The following DCLK3 variants were observed in gnomAD, a reference collection of about 807,000 sequenced individuals.
The protein encoded by DCLK3 is doublecortin like kinase 3, also known as serine/threonine-protein kinase DCLK3.
DCLK3 carries 30 observed loss-of-function variants against 46.4 expected under a neutral mutation model. That is an observed-to-expected ratio of 0.65 (90% CI 0.48 to 0.88). The LOEUF is 0.88. Ranked by LOEUF, DCLK3 falls within the 40% of genes least tolerant of loss-of-function variation. DCLK3 has a pLI of 0.00. For synonymous variants in DCLK3, 401 were observed against 339.2 expected, an observed-to-expected ratio of 1.18 and a Z score of -2.00; for missense variants, 846 against 907.1, an observed-to-expected ratio of 0.93 and a Z score of 0.87.
intron 1 of DCLK3, among the ~76,000 whole-genome samples, chr3:36,748,917 C>T (rs150768221): frequency 7.2e-5 from 11 of 152,260 alleles, no homozygotes; most frequent in African/African-American, 2.6e-4. Context: ...CCAGATGCTG[C>T]CACCCTGTCC....
At position 36,717,976 on chromosome 3, in the gene DCLK3, C is replaced by T. The variant is rs1279202161; in HGVS notation, c.2260+34G>A. ...ACATCTGACCTGAAAAACCCATCCG[C>T]TCCTCTGCTGTGTGAGGAAGCCCCA... On this transcript the variant is annotated intron_variant, in intron 4 of 4. Transcript: ENST00000636136. 7 of 1,613,046 alleles carry T rather than the reference C, an allele frequency of 4.3e-6. No individual in the cohort carries two copies. The Admixed American group carries it at 8.3e-5, about 19-fold the overall frequency.
chr3:36,723,742 T>G (rs766548376), intron 2 of DCLK3, among the ~76,000 whole-genome samples: 2 of 152,188 alleles, frequency 1.3e-5, no homozygotes, highest in Non-Finnish European at 2.9e-5. Flanking sequence ...CTCTGCCAGA[T>G]TTCAGAGGAT....
intron 2 of DCLK3, among the ~76,000 whole-genome samples, chr3:36,727,940 C>T (rs932748419): frequency 3.3e-5 from 5 of 152,144 alleles, no homozygotes; most frequent in African/African-American, 1.2e-4. Context: ...GTGATGTTGT[C>T]CTAGAATAAT....
At chr3:36,743,899 T>G (rs2125533859) in intron 1 of DCLK3, among the ~76,000 whole-genome samples, 1 of 152,278 alleles carries the variant, frequency 6.6e-6, no homozygotes, top group African/African-American at 2.4e-5. Flanking sequence ...AAGACCCATC[T>G]CTACTCCCAA....
intron 1 of DCLK3, among the ~76,000 whole-genome samples, chr3:36,758,379 T>G (rs1206398994): frequency 6.6e-6 from 1 of 152,192 alleles, no homozygotes; most frequent in African/African-American, 2.4e-5. Flanking sequence ...AATTCATATG[T>G]TAAAACTTAG....
intron 2 of DCLK3, among the ~76,000 whole-genome samples, chr3:36,722,138 C>T (rs907843701): frequency 6.6e-6 from 1 of 150,582 alleles, no homozygotes; most frequent in Non-Finnish European, 1.5e-5. Flanking sequence ...TGCCTCTGGG[C>T]AATGCAGAGG....
At chr3:36,724,020 G>A (rs1701095209) in intron 2 of DCLK3, among the ~76,000 whole-genome samples, 3 of 152,224 alleles carry the variant, frequency 2.0e-5, no homozygotes, top group Admixed American at 1.3e-4. Context: ...GAGAGAGGCT[G>A]TACCCTGCAA....
At chr3:36,718,489 T>C (rs1701015141) in intron 3 of DCLK3, among the ~76,000 whole-genome samples, 1 of 152,234 alleles carries the variant, frequency 6.6e-6, no homozygotes, top group South Asian at 2.1e-4. Flanking sequence ...TTAACAAGAC[T>C]GTGACGCTCA....
chr3:36,746,207 A>C (rs1393943189), intron 1 of DCLK3, among the ~76,000 whole-genome samples: 3 of 152,176 alleles, frequency 2.0e-5, no homozygotes, highest in Non-Finnish European at 4.4e-5. Context: ...AATTTCCCTT[A>C]GTGCCTCCCA....
At position 36,764,447 on chromosome 3, in the gene DCLK3, G is replaced by T. The variant is rs56131451; in HGVS notation, c.-184C>A. 60,883 of 167,176 alleles carry T rather than the reference G, an allele frequency of 0.36. 11,167 individuals carry two copies. The highest frequency in any genetic ancestry group is 0.41 in the East Asian group (2,292 of 5,656). The allele number at this position is 167,176 out of a possible 1,614,324, so 10.4% of individuals were successfully genotyped here. A position where few individuals can be genotyped will look rare whatever the true frequency, so the allele number is the denominator to read the frequency against. ...GCCAGCCCCGCGCCGCGCAGCGCCC[G>T]GCGACAGCCACCGGGAACGTCTCCG... On this transcript the variant is annotated 5_prime_UTR_variant, in exon 1 of 5. Transcript: ENST00000636136. This position sits in a 1 kb window ranked among gnomAD's most constrained non-coding sequence, Gnocchi z 4.9.
intron 2 of DCLK3, among the ~76,000 whole-genome samples, chr3:36,722,353 TA>T (rs902168892): frequency 1.3e-5 from 2 of 152,240 alleles, no homozygotes; most frequent in African/African-American, 4.8e-5. Context: ...TAAAAGGGTA[TA>T]ATTGGATTGC....
intron 1 of DCLK3, among the ~76,000 whole-genome samples, chr3:36,751,486 T>C (rs1701441577): frequency 6.6e-6 from 1 of 152,250 alleles, no homozygotes; most frequent in South Asian, 2.1e-4. Context: ...AAAGCAGAAC[T>C]GCTTCTCTGC....
intron 1 of DCLK3, among the ~76,000 whole-genome samples, chr3:36,751,678 T>C (rs1014116867): frequency 6.6e-6 from 1 of 152,254 alleles, no homozygotes; most frequent in African/African-American, 2.4e-5. Context: ...TAAGCTTCTT[T>C]GGGATTTCTT....
At chr3:36,755,196 A>C (rs903881877) in intron 1 of DCLK3, among the ~76,000 whole-genome samples, 16 of 152,226 alleles carry the variant, frequency 1.1e-4, no homozygotes, top group African/African-American at 3.9e-4. Flanking sequence ...TAAAAGCCTA[A>C]TAGACATATC....
intron 2 of DCLK3, among the ~76,000 whole-genome samples, chr3:36,728,318 G>C (rs900859479): frequency 6.6e-6 from 1 of 152,088 alleles, no homozygotes; most frequent in Non-Finnish European, 1.5e-5. Flanking sequence ...ATGACAACTT[G>C]ACTGGATTAA....
At chr3:36,733,103 C>G (rs973880439) in intron 2 of DCLK3, among the ~76,000 whole-genome samples, 1 of 152,142 alleles carries the variant, frequency 6.6e-6, no homozygotes, top group African/African-American at 2.4e-5. Flanking sequence ...TTCCTAGAAC[C>G]AGCAGGAGGC....
At chr3:36,762,183 A>T (rs549051693) in intron 1 of DCLK3, among the ~76,000 whole-genome samples, 22 of 152,314 alleles carry the variant, frequency 1.4e-4, no homozygotes, top group African/African-American at 5.3e-4. Flanking sequence ...ATGGGGATCC[A>T]TCTGCCCAGA....
rs77604101 is a variant in DCLK3, at chr3:36,741,621, G to A, written c.83-2537C>T. Among the ~76,000 whole-genome samples, 843 of 152,286 alleles carry A rather than the reference G, an allele frequency of 5.5e-3. 11 individuals are homozygous for A. Among genetic ancestry groups the A allele is most frequent in the African/African-American group, 0.019 (804 of 41,560 alleles). ...GTTTTCAACACCTAATGAGGTAGAG[G>A]CCACCCAGTACATAGCAAAGGAACC... On this transcript the variant is annotated intron_variant, in intron 1 of 4. Coordinates refer to ENST00000636136, the MANE Select transcript of DCLK3 (RefSeq NM_001394672.2).
chr3:36,731,451 GCACACA>G (rs55823722), intron 2 of DCLK3, among the ~76,000 whole-genome samples: 1,693 of 148,570 alleles, frequency 0.011, 28 homozygotes, highest in African/African-American at 0.033. Flanking sequence ...CTTCGTGCGT[GCACACA>G]CACACACACA....
Sources: gnomAD v4.1 joint callset for allele counts (sites outside exome capture counted in the v4.1 genomes callset) on GRCh38, gnomAD v4.1.1 for gene constraint, Gnocchi (gnomAD v3.1) non-coding constraint, MANE v1.5 for transcripts, NCBI Gene and HGNC (gene_info 2026-07-23, HGNC 2026-07-21) for gene names.